Variants in ARHGAP5 observed in about 807,000 individuals in gnomAD.
The protein encoded by ARHGAP5 is Rho GTPase activating protein 5.
ARHGAP5 carries 23 observed loss-of-function variants against 116.6 expected under a neutral mutation model. The ratio of observed to expected loss-of-function variants is 0.20; its 90% confidence interval spans 0.14 to 0.28. The LOEUF is 0.28. Ranked by LOEUF, ARHGAP5 falls within the 10% of genes least tolerant of loss-of-function variation. The probability of loss-of-function intolerance (pLI) is 1.00; values close to 1 mark genes in which losing one functional copy is unlikely to be tolerated. For missense variants in ARHGAP5, 1,405 were observed against 1,774.8 expected, an observed-to-expected ratio of 0.79 and a Z score of 3.74; for synonymous variants, 574 against 602.0, an observed-to-expected ratio of 0.95 and a Z score of 0.68.
At chr14:32,110,999 G>T (rs758608921) in intron 2 of ARHGAP5, among the ~76,000 whole-genome samples, 2 of 152,204 alleles carry the variant, frequency 1.3e-5, no homozygotes, top group Non-Finnish European at 1.5e-5. Flanking sequence ...TGTTGTTAGG[G>T]TGTTTTACAT....
chr14:32,103,796 T>A (rs1380641718), intron 2 of ARHGAP5, among the ~76,000 whole-genome samples: 1 of 152,132 alleles, frequency 6.6e-6, no homozygotes, highest in Non-Finnish European at 1.5e-5. Flanking sequence ...TAAATAGGGC[T>A]TAATCTGTGA....
intron 3 of ARHGAP5, among the ~76,000 whole-genome samples, chr14:32,129,039 T>C (rs1210102761): frequency 6.6e-6 from 1 of 152,206 alleles, no homozygotes; most frequent in East Asian, 1.9e-4. Flanking sequence ...AGCCTCCTGC[T>C]TTATTGTCAG....
intron 3 of ARHGAP5, among the ~76,000 whole-genome samples, chr14:32,133,922 A>C (rs1880645948): frequency 6.6e-6 from 1 of 152,178 alleles, no homozygotes; most frequent in African/African-American, 2.4e-5. Flanking sequence ...CTTGCATCCC[A>C]GGGATGTCCA....
At chr14:32,094,450 G>T in intron 2 of ARHGAP5, 64 bp downstream of exon 2, 1 of 1,223,098 alleles carries the variant, frequency 8.2e-7, no homozygotes, top group Non-Finnish European at 1.1e-6. Flanking sequence ...TTAAAATACT[G>T]ACATCAGTGT....
At chr14:32,133,710 G>A (rs1174535799) in intron 3 of ARHGAP5, among the ~76,000 whole-genome samples, 1 of 152,164 alleles carries the variant, frequency 6.6e-6, no homozygotes, top group Non-Finnish European at 1.5e-5. Flanking sequence ...TATGATATTG[G>A]CTGTGGGTTT....
At chr14:32,137,782 G>A (rs1382888220) in intron 3 of ARHGAP5, among the ~76,000 whole-genome samples, 3 of 151,860 alleles carry the variant, frequency 2.0e-5, no homozygotes, top group Non-Finnish European at 4.4e-5. Flanking sequence ...GACCAGCCTG[G>A]CCAACATGAT....
chr14:32,145,669 CACAG>C (rs1881342646), intron 3 of ARHGAP5, among the ~76,000 whole-genome samples: 1 of 152,114 alleles, frequency 6.6e-6, no homozygotes, highest in South Asian at 2.1e-4. Context: ...CTCCACCATT[CACAG>C]ACTACTTATG....
At chr14:32,140,306 G>A (rs1256427904) in intron 3 of ARHGAP5, among the ~76,000 whole-genome samples, 4 of 151,748 alleles carry the variant, frequency 2.6e-5, no homozygotes, top group African/African-American at 9.7e-5. Context: ...GTTTGGCCGA[G>A]CACAGTGGCC....
chr14:32,093,646 C>A lies in ARHGAP5; in HGVS notation c.2977C>A (p.Pro993Thr). ...DDTEAPPPYSPIGDDVQLLPT... is the reference protein window; with the variant it reads ...DDTEAPPPYSTIGDDVQLLPT... ...CACAGAAGCACCACCTCCTTATAGT[C>A]CAATTGGGGATGATGTACAGTTGCT... The change falls in exon 2 of 7, where the codon CCA becomes ACA. Residue 993 changes from proline (P) to threonine (T), a missense_variant. Around this residue, in one of 6 missense-constraint regions of ARHGAP5, gnomAD observed 944 missense variants for 1,095.3 expected, o/e 0.86. Transcript: ENST00000345122. 1 of 1,613,806 alleles carries A rather than the reference C, an allele frequency of 6.2e-7. No individual in the cohort carries two copies. The highest frequency in any genetic ancestry group is 1.3e-5 in the African/African-American group (1 of 75,020).
chr14:32,119,049 GATAAC>G (rs1404937299), intron 3 of ARHGAP5, among the ~76,000 whole-genome samples: 1 of 152,072 alleles, frequency 6.6e-6, no homozygotes, highest in Non-Finnish European at 1.5e-5. Context: ...TTGGTAGAAA[GATAAC>G]ATAGACTGTA....
intron 2 of ARHGAP5, among the ~76,000 whole-genome samples, chr14:32,111,179 A>G (rs1478428902): frequency 1.3e-5 from 2 of 152,214 alleles, no homozygotes; most frequent in African/African-American, 4.8e-5. Context: ...AGGCAGGAGA[A>G]TTAAGGCCAA....
chr14:32,140,352 CA>C (rs1170276055), intron 3 of ARHGAP5, among the ~76,000 whole-genome samples: 1 of 151,610 alleles, frequency 6.6e-6, no homozygotes, highest in East Asian at 1.9e-4. Context: ...GAGGCCGAGG[CA>C]GGTGGATCAC....
chr14:32,122,952 C>G (rs990103787), intron 3 of ARHGAP5, among the ~76,000 whole-genome samples: 8 of 152,144 alleles, frequency 5.3e-5, no homozygotes, highest in African/African-American at 1.2e-4. Context: ...CTTTGTTCTT[C>G]TGGGTATAGA....
chr14:32,154,481 GCTT>G, intron 6 of ARHGAP5, 137 bp from the exon 7 acceptor site: 1 of 763,578 alleles, frequency 1.3e-6, no homozygotes, highest in South Asian at 1.9e-5. Flanking sequence ...AATTAAAGAT[GCTT>G]CTTTATGCAA....
chr14:32,106,659 G>T lies in ARHGAP5; in HGVS notation c.3718-10481G>T, dbSNP rs182520783. On this transcript the variant is annotated intron_variant, in intron 2 of 6. Transcript: ENST00000345122. ...ATAAAGTTCCAAATACGTGAGTTAG[G>T]CATCTAAAGCCATTTGCAGTATGGC... Among the ~76,000 whole-genome samples the T allele has an allele frequency of 7.9e-5, 12 of 152,262 alleles. 1 individual carries two copies. In the South Asian group the frequency reaches 2.5e-3, roughly 32 times the overall value.
chr14:32,094,646 G>A (rs1878434505), intron 2 of ARHGAP5, among the ~76,000 whole-genome samples: 1 of 152,032 alleles, frequency 6.6e-6, no homozygotes, highest in Non-Finnish European at 1.5e-5. Context: ...ACCCAGATAT[G>A]AAGTGATTTT....
intron 2 of ARHGAP5, among the ~76,000 whole-genome samples, chr14:32,109,898 T>C (rs565251150): frequency 2.7e-4 from 41 of 152,290 alleles, no homozygotes; most frequent in African/African-American, 9.4e-4. Flanking sequence ...TGCTTTTTTT[T>C]TCCCCCCACT....
intron 2 of ARHGAP5, among the ~76,000 whole-genome samples, chr14:32,114,388 C>T (rs952580367): frequency 1.3e-5 from 2 of 152,186 alleles, no homozygotes; most frequent in Non-Finnish European, 2.9e-5. Context: ...AAGAAAAGAA[C>T]TCAGCCAGTG....
chr14:32,105,977 T>A (rs1878998154), intron 2 of ARHGAP5, among the ~76,000 whole-genome samples: 1 of 152,226 alleles, frequency 6.6e-6, no homozygotes, highest in Non-Finnish European at 1.5e-5. Flanking sequence ...CTGAATAATA[T>A]TCCATAATAT....
Sources: allele counts gnomAD v4.1 joint callset (sites outside exome capture counted in the v4.1 genomes callset), GRCh38; gene constraint gnomAD v4.1.1; regional missense constraint gnomAD v4.1.1; transcripts MANE v1.5; gene names NCBI Gene and HGNC (gene_info 2026-07-23, HGNC 2026-07-21).